Variants in PIR observed in about 807,000 individuals in gnomAD.
PIR encodes the protein pirin.
PIR carries 22 observed loss-of-function variants against 24.2 expected under a neutral mutation model. The observed-to-expected ratio is 0.91, with a 90% CI of 0.65 to 1.30. The LOEUF (loss-of-function observed/expected upper bound fraction) is 1.30. Ranked by LOEUF, PIR falls within the 50% of genes most tolerant of loss-of-function variation. The pLI, the probability that PIR is intolerant of heterozygous loss-of-function variation, is 0.00. For missense variants in PIR, 220 were observed against 220.3 expected (o/e 1.00, Z 0.01); for synonymous variants, 80 against 79.6 (o/e 1.00, Z -0.03).
At chrX:15,483,817 G>C (rs1922642819) in intron 2 of PIR, among the ~76,000 whole-genome samples, 1 of 112,296 alleles carries the variant, frequency 8.9e-6, no homozygotes, top group Non-Finnish European at 1.9e-5. Context: ...ACATAGATGG[G>C]TGGTATCTAT....
chrX:15,417,794 A>G, intron 6 of PIR, among the ~76,000 whole-genome samples: 1 of 111,055 alleles, frequency 9.0e-6, no homozygotes, highest in East Asian at 2.8e-4. Context: ...CTCTGCTTCT[A>G]TTGTCACATG....
Position 15,384,881 on chromosome X carries a change from G to A in PIR, c.*123C>T, listed in dbSNP as rs1221565085. 10 of 404,179 alleles carry A rather than the reference G, an allele frequency of 2.5e-5. No homozygotes were observed. Among genetic ancestry groups the A allele is most frequent in the East Asian group, 2.0e-4 (5 of 25,223 alleles). The allele number at this position is 404,179 out of a possible 1,213,427, so 33.3% of individuals were successfully genotyped here. The stretch of plus-strand genomic sequence containing the variant: ...ATTGTTACAAAAACCATGTTATCAC[G>A]TTAGTGTGGAATTCTTTAGAAGCAC... On this transcript the variant is annotated 3_prime_UTR_variant, in exon 10 of 10. Transcript: ENST00000380420.
At chrX:15,395,912 T>G (rs185364520) in intron 8 of PIR, among the ~76,000 whole-genome samples, 1 of 112,151 alleles carries the variant, frequency 8.9e-6, no homozygotes, top group African/African-American at 3.2e-5. Flanking sequence ...CCAGGAGTGC[T>G]GCTTGCCAGT....
At chrX:15,457,760 C>T (rs1365617180) in intron 4 of PIR, among the ~76,000 whole-genome samples, 2 of 112,444 alleles carry the variant, frequency 1.8e-5, no homozygotes, top group African/African-American at 6.5e-5. Context: ...TTTCCCTCTA[C>T]TCCCATTTGA....
chrX:15,419,020 T>C (rs1569198180), intron 6 of PIR, among the ~76,000 whole-genome samples: 2 of 110,419 alleles, frequency 1.8e-5, no homozygotes, highest in Non-Finnish European at 3.8e-5. Context: ...ACCCAGCCAA[T>C]GGCCTACACA....
chrX:15,428,300 C>T (rs1330201816), intron 5 of PIR, among the ~76,000 whole-genome samples: 2 of 111,841 alleles, frequency 1.8e-5, no homozygotes, highest in Non-Finnish European at 3.8e-5. Flanking sequence ...GTGTATAAGA[C>T]ACCATCTGGA....
chrX:15,422,331 A>C (rs1192334354), intron 6 of PIR, among the ~76,000 whole-genome samples: 1 of 93,303 alleles, frequency 1.1e-5, no homozygotes. Flanking sequence ...ACTAGGCAAG[A>C]GAAAAAAAAA....
chrX:15,395,915 T>C (rs772824992), intron 8 of PIR, among the ~76,000 whole-genome samples: 2 of 112,240 alleles, frequency 1.8e-5, no homozygotes, highest in South Asian at 7.5e-4. Flanking sequence ...GGAGTGCTGC[T>C]TGCCAGTGAA....
intron 3 of PIR, among the ~76,000 whole-genome samples, chrX:15,467,906 A>C (rs998181795): frequency 9.0e-6 from 1 of 111,647 alleles, no homozygotes; most frequent in African/African-American, 3.3e-5. Flanking sequence ...CTTCTCCTTC[A>C]AACCCAGATC....
chrX:15,403,630 T>A (rs770157120), intron 7 of PIR, among the ~76,000 whole-genome samples: 1 of 111,083 alleles, frequency 9.0e-6, no homozygotes, highest in Non-Finnish European at 1.9e-5. Context: ...ATTCCAGCTG[T>A]GGGCTGGTCA....
rs1410656177 is a variant in PIR at position 15,426,102 on chromosome X, C to T, written c.481-112G>A. ...ACCTGGATCCATTATATATATAGTT[C>T]CTCCTAGGGAAGTGTTAAAGCCGAG... On this transcript the variant is annotated intron_variant, in intron 5 of 9. Transcript: ENST00000380420. 8.5e-6 allele frequency: 4 copies of T among 473,054 alleles called. No homozygotes were observed. The Admixed American group carries it at 1.4e-4, about 17-fold the overall frequency. The allele number at this position is 473,054 out of a possible 1,213,427, so 39.0% of individuals were successfully genotyped here. A position where few individuals can be genotyped will look rare whatever the true frequency, so the allele number is the denominator to read the frequency against.
At chrX:15,398,079 G>A (rs191720089) in intron 7 of PIR, among the ~76,000 whole-genome samples, 937 of 91,258 alleles carry the variant, frequency 0.01, 6 homozygotes, top group African/African-American at 0.033. Context: ...AATAGCTATT[G>A]AACTCTGAAT....
At chrX:15,385,168 A>G in intron 9 of PIR, 52 bp from the exon 10 acceptor site, 1 of 589,153 alleles carries the variant, frequency 1.7e-6, no homozygotes, top group Non-Finnish European at 2.8e-6. Context: ...ATTTTCCTCT[A>G]CCACTAGAAA....
chrX:15,464,562 A>T (rs1209383818), intron 3 of PIR: 2 of 288,972 alleles, frequency 6.9e-6, no homozygotes, highest in Non-Finnish European at 9.3e-6. Flanking sequence ...TATTACATGT[A>T]GGACAATGCA....
intron 2 of PIR, among the ~76,000 whole-genome samples, chrX:15,480,432 A>G (rs755863674): frequency 8.9e-6 from 1 of 112,472 alleles, no homozygotes; most frequent in African/African-American, 3.2e-5. Flanking sequence ...CAAACATTTC[A>G]TAATCATCTA....
At chrX:15,453,909 CT>C (rs952525732) in intron 5 of PIR, among the ~76,000 whole-genome samples, 1 of 111,978 alleles carries the variant, frequency 8.9e-6, no homozygotes, top group African/African-American at 3.2e-5. Flanking sequence ...CAGTTCAACT[CT>C]TTTTCTAAAT....
intron 8 of PIR, among the ~76,000 whole-genome samples, chrX:15,395,730 A>G (rs1225545545): frequency 8.9e-6 from 1 of 112,591 alleles, no homozygotes; most frequent in Non-Finnish European, 1.9e-5. Flanking sequence ...GCTGTAATCT[A>G]AAGGGGACTT....
At chrX:15,391,587 G>C (rs1923959366) in intron 8 of PIR, among the ~76,000 whole-genome samples, 1 of 111,731 alleles carries the variant, frequency 9.0e-6, no homozygotes, top group African/African-American at 3.3e-5. Flanking sequence ...TTAGAAATGG[G>C]TGTTTGATTT....
intron 3 of PIR, among the ~76,000 whole-genome samples, chrX:15,462,824 G>A (rs1921366165): frequency 8.9e-6 from 1 of 112,007 alleles, no homozygotes. Flanking sequence ...AATATATTGA[G>A]AAGGTAAGTG....
Sources: gnomAD v4.1 joint callset for allele counts (sites outside exome capture counted in the v4.1 genomes callset) on GRCh38, gnomAD v4.1.1 for gene constraint, MANE v1.5 for transcripts, NCBI Gene and HGNC (gene_info 2026-07-23, HGNC 2026-07-21) for gene names.